The following UBE3C variants were observed in gnomAD, a reference collection of about 807,000 sequenced individuals.
The protein encoded by UBE3C is ubiquitin-protein ligase E3C.
UBE3C carries 42 observed loss-of-function variants against 129.4 expected under a neutral mutation model. That is an observed-to-expected ratio of 0.32 (90% CI 0.25 to 0.42). The LOEUF is 0.42. Ranked by LOEUF, UBE3C falls within the 10% of genes least tolerant of loss-of-function variation. The pLI is 1.00. For missense variants in UBE3C, 1,049 were observed against 1,319.1 expected (o/e 0.80, Z 3.17); for synonymous variants, 510 against 492.4 (o/e 1.04, Z -0.47).
intron 4 of UBE3C, among the ~76,000 whole-genome samples, chr7:157,173,984 CAAAG>C (rs1411026867): frequency 6.6e-6 from 1 of 152,100 alleles, no homozygotes; most frequent in Non-Finnish European, 1.5e-5. Flanking sequence ...CGTTTTATGG[CAAAG>C]AAATGTTAAT....
chr7:157,153,692 T>G (rs1342710203), intron 1 of UBE3C, among the ~76,000 whole-genome samples: 1 of 152,130 alleles, frequency 6.6e-6, no homozygotes, highest in African/African-American at 2.4e-5. Flanking sequence ...TACTCTGCAG[T>G]CAGTGGCCTT....
At chr7:157,166,349 A>G (rs1277349166) in intron 2 of UBE3C, among the ~76,000 whole-genome samples, 11 of 152,350 alleles carry the variant, frequency 7.2e-5, no homozygotes, top group African/African-American at 2.6e-4. Flanking sequence ...TTTTAAAAAT[A>G]CTTACTCTTT....
At chr7:157,181,406 C>CT in intron 6 of UBE3C, 112 bp from the exon 7 acceptor site, 1 of 922,442 alleles carries the variant, frequency 1.1e-6, no homozygotes, top group Non-Finnish European at 1.6e-6. Context: ...TGTTAAAGAA[C>CT]TAACTTAAGT....
chr7:157,190,560 G>A (rs1193963100), intron 10 of UBE3C, among the ~76,000 whole-genome samples: 5 of 152,070 alleles, frequency 3.3e-5, no homozygotes, highest in Non-Finnish European at 7.4e-5. Context: ...CCACCCTCAC[G>A]GAAGGTGCTG....
At chr7:157,146,411 G>A (rs927272983) in intron 1 of UBE3C, among the ~76,000 whole-genome samples, 3 of 46,898 alleles carry the variant, frequency 6.4e-5, no homozygotes, top group African/African-American at 4.3e-4. Context: ...TAGTACAGAC[G>A]GGGGTTTCAC....
chr7:157,177,424 C>CA (rs1808548534), intron 5 of UBE3C, among the ~76,000 whole-genome samples: 1 of 152,216 alleles, frequency 6.6e-6, no homozygotes, highest in Admixed American at 6.5e-5. Context: ...TGTTGTCTCT[C>CA]ACACGAGGCA....
intron 10 of UBE3C, chr7:157,189,159 C>T (rs977049518): frequency 1.5e-5 from 6 of 394,422 alleles, no homozygotes; most frequent in Non-Finnish European, 2.2e-5. Context: ...ACACTCGTGT[C>T]TGAATATGCC....
At chr7:157,235,561 A>C (rs1796132287) in intron 18 of UBE3C, among the ~76,000 whole-genome samples, 1 of 152,214 alleles carries the variant, frequency 6.6e-6, no homozygotes, top group South Asian at 2.1e-4. Flanking sequence ...AGATGATGTC[A>C]TTGTACAGTT....
chr7:157,239,355 G>A (rs1393909077), intron 18 of UBE3C, among the ~76,000 whole-genome samples: 4 of 152,172 alleles, frequency 2.6e-5, no homozygotes. Context: ...AGTACATTTT[G>A]TCAGATTTCA....
chr7:157,152,363 TG>T (rs920653202), intron 1 of UBE3C, among the ~76,000 whole-genome samples: 1 of 151,984 alleles, frequency 6.6e-6, no homozygotes, highest in Admixed American at 6.6e-5. Context: ...TAGAGATGCG[TG>T]GGGGGCAGTT....
chr7:157,215,752 C>T lies in UBE3C; in HGVS notation c.1810-1115C>T, dbSNP rs532578695. 3.9e-5 allele frequency among the ~76,000 whole-genome samples: 6 copies of T among 152,034 alleles called. No individual in the cohort carries two copies. The East Asian group carries it at 1.2e-3, about 29-fold the overall frequency. ...TATATGATCCAATCCTGGTTGTAGA[C>T]ATTTAAAATGTTGGATTTACAATTT... On this transcript the variant is annotated intron_variant, in intron 13 of 22. Transcript: ENST00000348165.
intron 11 of UBE3C, among the ~76,000 whole-genome samples, chr7:157,204,398 C>CA (rs35298527): frequency 0.093 from 8,057 of 86,350 alleles, 363 homozygotes; most frequent in Non-Finnish European, 0.14. Context: ...AACTTTGTTT[C>CA]AAAAAAAAAA....
chr7:157,199,539 C>T (rs1410011926), intron 10 of UBE3C, among the ~76,000 whole-genome samples: 1 of 150,622 alleles, frequency 6.6e-6, no homozygotes, highest in Admixed American at 6.6e-5. Context: ...GGTGTGATCT[C>T]GGCTCACTGC....
chr7:157,183,999 G>C lies in UBE3C; in HGVS notation c.1113G>C (p.Glu371Asp), dbSNP rs1345901850. ...CHDSASDSEE[E>D]SEEADKPSSP... ...ACTCAGCCAGTGACTCTGAGGAGGA[G>C]AGTGAAGAAGCCGACAAGCCCTCAA... is the stretch of plus-strand genomic sequence containing the variant. The change falls in exon 9 of 23, where the codon GAG (glutamate) becomes GAC (aspartate). Residue 371 changes from glutamate (E) to aspartate (D), a missense_variant. Physicochemically the swap from Glu to Asp is conservative, Grantham distance 45. Coordinates refer to ENST00000348165, the MANE Select transcript of UBE3C (RefSeq NM_014671.3). 3.1e-6 allele frequency: 5 copies of C among 1,614,168 alleles called. No homozygotes were observed. The East Asian group carries it at 1.1e-4, about 36-fold the overall frequency.
At chr7:157,267,545 G>A (rs770924356) in intron 22 of UBE3C, 40 bp from the exon 23 acceptor site, 163 of 1,608,862 alleles carry the variant, frequency 1.0e-4, no homozygotes, top group Non-Finnish European at 1.4e-4. Context: ...GTAATGCCAT[G>A]CTTGTTACAG....
At chr7:157,159,225 A>C (rs905461474) in intron 1 of UBE3C, among the ~76,000 whole-genome samples, 2 of 152,168 alleles carry the variant, frequency 1.3e-5, no homozygotes, top group African/African-American at 2.4e-5. Context: ...ATTGTGGAGG[A>C]AAGAATTGTG....
intron 22 of UBE3C, among the ~76,000 whole-genome samples, chr7:157,260,915 G>A (rs972424702): frequency 2.0e-5 from 3 of 152,208 alleles, no homozygotes; most frequent in African/African-American, 7.2e-5. Flanking sequence ...CCACCTCCGT[G>A]ATGCCTCCGG....
At chr7:157,199,751 G>A (rs897176684) in intron 10 of UBE3C, among the ~76,000 whole-genome samples, 2 of 152,122 alleles carry the variant, frequency 1.3e-5, no homozygotes, top group African/African-American at 2.4e-5. Context: ...GATTACAGGC[G>A]TGATCCACCA....
chr7:157,264,462 TACAC>T (rs58070039), intron 22 of UBE3C, among the ~76,000 whole-genome samples: 1,743 of 91,738 alleles, frequency 0.019, 49 homozygotes, highest in African/African-American at 0.064. Flanking sequence ...CTCGGCCTGT[TACAC>T]ACACACACAC....
Sources: allele counts gnomAD v4.1 joint callset (sites outside exome capture counted in the v4.1 genomes callset), GRCh38; gene constraint gnomAD v4.1.1; transcripts MANE v1.5; gene names NCBI Gene and HGNC (gene_info 2026-07-23, HGNC 2026-07-21).